KDM7A: variants seen among roughly 807,000 people sequenced by gnomAD.
KDM7A encodes the protein lysine demethylase 7A, also known as lysine-specific demethylase 7A.
Under a neutral mutation model 114.8 loss-of-function variants are expected in KDM7A, and 28 were observed. The observed-to-expected ratio is 0.24, with a 90% confidence interval of 0.18 to 0.33. The LOEUF (loss-of-function observed/expected upper bound fraction) is 0.33. KDM7A is among the 10% of genes least tolerant of loss of function. The pLI, the probability that KDM7A is intolerant of heterozygous loss-of-function variation, is 1.00. For synonymous variants in KDM7A, 423 were observed against 397.8 expected (o/e 1.06, Z -0.75); for missense variants, 942 against 1,142.5 (o/e 0.82, Z 2.53).
At chr7:140,154,310 C>T (rs544206983) in intron 1 of KDM7A, among the ~76,000 whole-genome samples, 46 of 151,034 alleles carry the variant, frequency 3.0e-4, no homozygotes, top group African/African-American at 8.3e-4. Context: ...TAATGAGACC[C>T]CCGTCACTAC....
In KDM7A at chr7:140,176,891, G is replaced by A; in HGVS notation, c.47C>T (p.Ala16Val). ...CGCCACCGACACGGCTGCCGCGGCG[G>A]CTCCAGCTGCTGCTCCCGCGGCCAC... ...AAVAAGAAAG[A>V]AAAAVSVAAP... is the part of the protein sequence containing the mutation. The change falls in exon 1 of 20, where the codon GCC becomes GTC. Residue 16 changes from alanine (A) to valine (V), a missense_variant. Ala to Val is a moderately conservative substitution (Grantham distance 64). Transcript: ENST00000397560. This position sits in a 1 kb window ranked among gnomAD's most constrained non-coding sequence, Gnocchi z 4.4. The A allele has an allele frequency of 8.4e-7, 1 of 1,192,392 alleles. No individual in the cohort carries two copies. The highest frequency in any genetic ancestry group is 1.0e-6 in the Non-Finnish European group (1 of 953,852). 73.9% of individuals were successfully genotyped at this position (1,192,392 alleles called of 1,614,324 possible).
intron 1 of KDM7A, among the ~76,000 whole-genome samples, chr7:140,164,269 G>C (rs1216744322): frequency 6.6e-6 from 1 of 152,190 alleles, no homozygotes; most frequent in African/African-American, 2.4e-5. Flanking sequence ...TGCAAGGACG[G>C]GGGGAGGGTT....
At chr7:140,166,767 T>G (rs1794580688) in intron 1 of KDM7A, among the ~76,000 whole-genome samples, 1 of 152,176 alleles carries the variant, frequency 6.6e-6, no homozygotes, top group Non-Finnish European at 1.5e-5. Flanking sequence ...TTCAACTCTA[T>G]ACGAGAGGTA....
intron 1 of KDM7A, among the ~76,000 whole-genome samples, chr7:140,145,026 T>G (rs1488407812): frequency 6.6e-6 from 1 of 152,212 alleles, no homozygotes; most frequent in Non-Finnish European, 1.5e-5. Flanking sequence ...CATAGAACCA[T>G]GAGTCAATTA....
intron 2 of KDM7A, among the ~76,000 whole-genome samples, chr7:140,136,514 T>C (rs2116817035): frequency 6.6e-6 from 1 of 152,354 alleles, no homozygotes; most frequent in South Asian, 2.1e-4. Context: ...GGATTGCATG[T>C]GCCTAAAGAA....
At chr7:140,172,575 C>G (rs1794657898) in intron 1 of KDM7A, among the ~76,000 whole-genome samples, 1 of 152,068 alleles carries the variant, frequency 6.6e-6, no homozygotes, top group Non-Finnish European at 1.5e-5. Flanking sequence ...ATGGCGAGAA[C>G]CCAGGAGGCG....
intron 1 of KDM7A, among the ~76,000 whole-genome samples, chr7:140,153,088 G>A (rs528456530): frequency 6.6e-6 from 1 of 151,922 alleles, no homozygotes; most frequent in African/African-American, 2.4e-5. Flanking sequence ...TCGATCTCCT[G>A]ACCTCGTGAT....
Position 140,176,940 on chromosome 7 carries a change from T to C in KDM7A, c.-3A>G. 8.7e-7 allele frequency: 1 copy of C among 1,150,360 alleles called. No homozygotes were observed. The highest frequency in any genetic ancestry group is 1.1e-6 in the Non-Finnish European group (1 of 931,946). 71.3% of individuals were successfully genotyped at this position (1,150,360 alleles called of 1,614,324 possible). ...ACCGCCGCCGCCGCTCCGGCCATCT[T>C]TAAAAAACACACACACGCTCGCTCG... is the stretch of plus-strand genomic sequence containing the variant. On this transcript the variant is annotated 5_prime_UTR_variant, in exon 1 of 20. Coordinates refer to ENST00000397560, the MANE Select transcript of KDM7A (RefSeq NM_030647.2). The surrounding 1 kb of genome is among the most constrained non-coding windows in gnomAD (Gnocchi z 4.4).
chr7:140,129,684 T>C (rs780116621), intron 3 of KDM7A, 31 bp from the exon 4 acceptor site: 3 of 1,465,874 alleles, frequency 2.0e-6, no homozygotes, highest in Non-Finnish European at 2.9e-6. Flanking sequence ...AAAAATGTCA[T>C]TTTTATTGGT....
At chr7:140,117,084 A>G (rs1818542889) in intron 9 of KDM7A, among the ~76,000 whole-genome samples, 1 of 152,334 alleles carries the variant, frequency 6.6e-6, no homozygotes, top group South Asian at 2.1e-4. Context: ...AATGATGGCA[A>G]TTGCTATAAT....
intron 11 of KDM7A, among the ~76,000 whole-genome samples, chr7:140,107,190 A>C (rs62491406): frequency 0.062 from 9,496 of 152,186 alleles, 371 homozygotes; most frequent in Non-Finnish European, 0.09. Context: ...TGGGTCTCTG[A>C]ATACAGCACA....
In KDM7A at chr7:140,096,556, A is replaced by G; in HGVS notation, c.2373T>C (p.Cys791=). The change falls in exon 17 of 20, where the codon TGT becomes TGC. Residue 791 remains cysteine (C), a splice_region_variant and synonymous_variant. Transcript: ENST00000397560. ...AGACTGATAATTTATGTTTCTTACC[A>G]CATTCCACTGGTTTATCATAGCGAT... ...QLYRYDKPVE[C]GYHVKTEDPD... The G allele has an allele frequency of 6.2e-7, 1 of 1,611,376 alleles. No homozygotes were observed. Among genetic ancestry groups the G allele is most frequent in the Non-Finnish European group, 8.5e-7 (1 of 1,177,482 alleles).
At chr7:140,132,635 AT>A in intron 3 of KDM7A, among the ~76,000 whole-genome samples, 2 of 152,338 alleles carry the variant, frequency 1.3e-5, no homozygotes, top group South Asian at 4.1e-4. Context: ...CGAATAGGGT[AT>A]TTAACACCAC....
At chr7:140,157,140 T>C (rs1794465844) in intron 1 of KDM7A, among the ~76,000 whole-genome samples, 1 of 152,188 alleles carries the variant, frequency 6.6e-6, no homozygotes, top group Admixed American at 6.5e-5. Flanking sequence ...GATGAGGAAA[T>C]CCACAATTGA....
chr7:140,168,402 CA>C (rs940686134), intron 1 of KDM7A, among the ~76,000 whole-genome samples: 33 of 151,452 alleles, frequency 2.2e-4, no homozygotes, highest in African/African-American at 6.1e-4. Context: ...TCTGTTTCTA[CA>C]AAAAAAATAC....
chr7:140,132,332 A>G (rs1818801355), intron 3 of KDM7A, among the ~76,000 whole-genome samples: 1 of 152,208 alleles, frequency 6.6e-6, no homozygotes, highest in Middle Eastern at 3.2e-3. Context: ...GGCAGGCAGT[A>G]AAGTCACATA....
At chr7:140,172,446 G>A (rs1045731560) in intron 1 of KDM7A, among the ~76,000 whole-genome samples, 2 of 152,130 alleles carry the variant, frequency 1.3e-5, no homozygotes, top group South Asian at 2.1e-4. Flanking sequence ...GAGGTCAGGA[G>A]ATCGAGACCA....
chr7:140,145,161 T>C (rs1794326859), intron 1 of KDM7A, among the ~76,000 whole-genome samples: 2 of 152,256 alleles, frequency 1.3e-5, no homozygotes, highest in African/African-American at 2.4e-5. Flanking sequence ...TGATTTTTTT[T>C]CAACAATGTT....
At chr7:140,174,645 G>A (rs927718256) in intron 1 of KDM7A, among the ~76,000 whole-genome samples, 4 of 152,116 alleles carry the variant, frequency 2.6e-5, no homozygotes, top group African/African-American at 9.7e-5. Flanking sequence ...TCTGTCGCCA[G>A]GCTGGAGTGC....
Sources: allele counts gnomAD v4.1 joint callset (sites outside exome capture counted in the v4.1 genomes callset), GRCh38; gene constraint gnomAD v4.1.1; non-coding constraint Gnocchi (gnomAD v3.1); transcripts MANE v1.5; gene names NCBI Gene and HGNC (gene_info 2026-07-23, HGNC 2026-07-21).